Variants in ARPC4 observed in about 807,000 individuals in gnomAD.
ARPC4 encodes the protein actin related protein 2/3 complex subunit 4.
ARPC4 carries 3 observed loss-of-function variants against 22.8 expected under a neutral mutation model. The ratio of observed to expected loss-of-function variants is 0.13; its 90% confidence interval spans 0.06 to 0.34. The LOEUF is 0.34. Among genes scored for constraint, ARPC4 ranks in the 10% least tolerant of loss-of-function variants. The pLI is 1.00. For synonymous variants in ARPC4, 80 were observed against 72.5 expected (o/e 1.10, Z -0.52); for missense variants, 98 against 211.0 (o/e 0.46, Z 3.32).
upstream of ARPC4, chr3:9,792,718 A>G: frequency 8.1e-7 from 1 of 1,234,322 alleles, no homozygotes; most frequent in Non-Finnish European, 1.0e-6. Flanking sequence ...AGGAGGGGCG[A>G]GAGAAAGGAT....
chr3:9,793,527 T>G (rs1297876243), intron 1 of ARPC4, among the ~76,000 whole-genome samples: 1 of 152,196 alleles, frequency 6.6e-6, no homozygotes. Flanking sequence ...TGTCCTCTTC[T>G]GCCTTCCTGA....
rs763936788 is a variant in ARPC4, at chr3:9,800,309, T to C, written c.234+13T>C. 6.2e-7 allele frequency: 1 copy of C among 1,613,712 alleles called. No individual in the cohort carries two copies. The highest frequency in any genetic ancestry group is 1.1e-5 in the South Asian group (1 of 91,050). On this transcript the variant is annotated intron_variant, in intron 3 of 5. Transcript: ENST00000397261. ...TGCTGTGAAACAGGTAAGTTCACCA[T>C]GGAGGAGGCCCAACGTAAGGCCTCT...
At chr3:9,796,769 G>A (rs189066063) in intron 1 of ARPC4, among the ~76,000 whole-genome samples, 270 of 151,904 alleles carry the variant, frequency 1.8e-3, no homozygotes, top group African/African-American at 6.1e-3. Context: ...GTGAAACCCT[G>A]TCTCTACTAA....
intron 4 of ARPC4, among the ~76,000 whole-genome samples, chr3:9,802,946 C>T (rs2079043447): frequency 6.6e-6 from 1 of 151,176 alleles, no homozygotes; most frequent in South Asian, 2.1e-4. Context: ...TCATAGTCTG[C>T]AATCTGGGCT....
In ARPC4 at chr3:9,802,399, G is replaced by A. The variant is rs553413378; in HGVS notation, c.330+643G>A. Among the ~76,000 whole-genome samples, 53 of 147,648 alleles carry A rather than the reference G, an allele frequency of 3.6e-4. No individual in the cohort carries two copies. In the Middle Eastern group the frequency reaches 0.011, roughly 30 times the overall value. On this transcript the variant is annotated intron_variant, in intron 4 of 5. Coordinates refer to ENST00000397261, the MANE Select transcript of ARPC4 (RefSeq NM_005718.5). ...CTCTCTTTTTTTTTTTCTTTGAGAC[G>A]GAGTCTCGCTCTGTCGCCCAGGCTG...
chr3:9,793,227 ATGT>A, intron 1 of ARPC4, 103 bp downstream of exon 1: 1 of 1,395,406 alleles, frequency 7.2e-7, no homozygotes, highest in Non-Finnish European at 9.5e-7. Context: ...GGGCCGAGGG[ATGT>A]CCGGGGGTTG....
intron 4 of ARPC4, among the ~76,000 whole-genome samples, chr3:9,802,232 C>A (rs1307064892): frequency 3.2e-5 from 3 of 93,742 alleles, no homozygotes; most frequent in African/African-American, 8.9e-5. Context: ...AGCAAGACTC[C>A]GTCTCAAAAA....
At chr3:9,800,358 G>A in intron 3 of ARPC4, 62 bp downstream of exon 3, 1 of 1,537,276 alleles carries the variant, frequency 6.5e-7, no homozygotes, top group Non-Finnish European at 8.9e-7. Flanking sequence ...GCCTCTTTCA[G>A]TCCGGGGTCC....
At chr3:9,795,319 C>G (rs148151470) in intron 1 of ARPC4, among the ~76,000 whole-genome samples, 63 of 152,188 alleles carry the variant, frequency 4.1e-4, no homozygotes, top group African/African-American at 1.5e-3. Flanking sequence ...CCATTATCCA[C>G]TCCATCTAAT....
intron 4 of ARPC4, 135 bp from the exon 5 acceptor site, chr3:9,803,708 G>A (rs972397581): frequency 9.8e-7 from 1 of 1,022,342 alleles, no homozygotes; most frequent in South Asian, 1.4e-5. Flanking sequence ...GACTGGAAGG[G>A]TATGTAGCTT....
In ARPC4 at chr3:9,802,200, T is replaced by G. The variant is rs1380064985; in HGVS notation, c.330+444T>G. Reference sequence around the variant, plus strand: ...TTGTAGTGAGCCAAGATCGTGCCACTGTACTGCAGCCTGGGCGACAGAGCA... The same window carrying G: ...TTGTAGTGAGCCAAGATCGTGCCACGGTACTGCAGCCTGGGCGACAGAGCA... On this transcript the variant is annotated intron_variant, in intron 4 of 5. Coordinates refer to ENST00000397261, the MANE Select transcript of ARPC4 (RefSeq NM_005718.5). 8.3e-5 allele frequency among the ~76,000 whole-genome samples: 10 copies of G among 120,138 alleles called. No homozygotes were observed. The East Asian group carries it at 2.4e-3, about 29-fold the overall frequency. 78.8% of individuals were successfully genotyped at this position (120,138 alleles called of 152,430 possible).
chr3:9,798,623 C>A (rs1055610059), intron 2 of ARPC4, among the ~76,000 whole-genome samples: 2 of 152,108 alleles, frequency 1.3e-5, no homozygotes, highest in African/African-American at 4.8e-5. Context: ...CGCCTGTAAT[C>A]CCAGCACTTT....
chr3:9,800,568 G>A (rs907497154), intron 3 of ARPC4, among the ~76,000 whole-genome samples: 2 of 152,058 alleles, frequency 1.3e-5, no homozygotes, highest in African/African-American at 4.8e-5. Flanking sequence ...GGGATTACAG[G>A]CATCCGCCAC....
intron 5 of ARPC4, among the ~76,000 whole-genome samples, chr3:9,804,646 A>G (rs542542299): frequency 2.6e-5 from 4 of 151,918 alleles, no homozygotes; most frequent in Non-Finnish European, 5.9e-5. Context: ...TTTCCAAGCA[A>G]TCTTTGGTTT....
At chr3:9,799,658 G>A (rs947612940) in intron 2 of ARPC4, among the ~76,000 whole-genome samples, 11 of 152,114 alleles carry the variant, frequency 7.2e-5, no homozygotes, top group Non-Finnish European at 1.6e-4. Context: ...GGCCAGGCTG[G>A]TCTCGAACTC....
intron 1 of ARPC4, among the ~76,000 whole-genome samples, chr3:9,795,030 C>A (rs2078852657): frequency 6.6e-6 from 1 of 151,968 alleles, no homozygotes; most frequent in African/African-American, 2.4e-5. Context: ...TTTTAAGACA[C>A]AGTCTCGCTC....
chr3:9,792,621 G>A, upstream of ARPC4: 1 of 1,230,316 alleles, frequency 8.1e-7, no homozygotes, highest in Non-Finnish European at 1.0e-6. Context: ...GGCGAGCCCC[G>A]GGGCACAGCC....
In ARPC4 at chr3:9,801,224, AAAAAAAAAAAAAAG is replaced by A. The variant is rs550777350; in HGVS notation, c.235-433_235-420del. ...AGATTCCATCTCAGAAAAAAAAAAA[AAAAAAAAAAAAAAG>A]AAATGTTGAGCATTCAGAAGGGAGA... On this transcript the variant is annotated intron_variant, in intron 3 of 5. Coordinates refer to ENST00000397261, the MANE Select transcript of ARPC4 (RefSeq NM_005718.5). Among the ~76,000 whole-genome samples, 1,146 of 150,562 alleles carry A rather than the reference AAAAAAAAAAAAAAG, an allele frequency of 7.6e-3. 19 individuals are homozygous for A. Among genetic ancestry groups the A allele is most frequent in the African/African-American group, 0.026 (1,074 of 41,016 alleles).
At chr3:9,795,763 A>C (rs1379430072) in intron 1 of ARPC4, among the ~76,000 whole-genome samples, 1 of 152,226 alleles carries the variant, frequency 6.6e-6, no homozygotes, top group African/African-American at 2.4e-5. Flanking sequence ...TCTGTTGACC[A>C]TGAGGTTTAC....
Sources: gnomAD v4.1 joint callset for allele counts (sites outside exome capture counted in the v4.1 genomes callset) on GRCh38, gnomAD v4.1.1 for gene constraint, MANE v1.5 for transcripts, NCBI Gene and HGNC (gene_info 2026-07-23, HGNC 2026-07-21) for gene names.